The following PCDHA2 variants were observed in gnomAD, a reference collection of about 807,000 sequenced individuals.
The protein encoded by PCDHA2 is protocadherin alpha 2.
PCDHA2 carries 58 observed loss-of-function variants against 66.0 expected under a neutral mutation model. That is an observed-to-expected ratio of 0.88 (90% CI 0.71 to 1.09). The LOEUF (loss-of-function observed/expected upper bound fraction) is 1.09. PCDHA2 is among the 50% of genes least tolerant of loss of function. The pLI, the probability that PCDHA2 is intolerant of heterozygous loss-of-function variation, is 0.00. For missense variants in PCDHA2, 1,267 were observed against 1,242.3 expected, an observed-to-expected ratio of 1.02 and a Z score of -0.30; for synonymous variants, 634 against 554.0, an observed-to-expected ratio of 1.14 and a Z score of -2.03.
chr5:140,857,995 G>A, intron 1 of PCDHA2: 1 of 1,597,106 alleles, frequency 6.3e-7, no homozygotes, highest in East Asian at 2.2e-5. Context: ...TACTGGTGCT[G>A]GTGAAGGACC....
At position 140,985,761 on chromosome 5, in the gene PCDHA2, A is replaced by C. The variant is rs1239020885; in HGVS notation, c.2536+3198A>C. On this transcript the variant is annotated intron_variant, in intron 3 of 3. Transcript: ENST00000526136. ...TTCCTTTTTTTTTTTTTTTTTTTTGAGACAGTCTCGCTCTGTCGCCCAGGC... is the reference window on the plus strand; with the variant it reads ...TTCCTTTTTTTTTTTTTTTTTTTTGCGACAGTCTCGCTCTGTCGCCCAGGC... 7.9e-5 allele frequency among the ~76,000 whole-genome samples: 5 copies of C among 63,266 alleles called. No individual in the cohort carries two copies. In the East Asian group the frequency reaches 3.3e-3, roughly 41 times the overall value. 41.5% of individuals were successfully genotyped at this position (63,266 alleles called of 152,430 possible). A position where few individuals can be genotyped will look rare whatever the true frequency, so the allele number is the denominator to read the frequency against.
chr5:140,987,106 C>T (rs113308102), intron 3 of PCDHA2, among the ~76,000 whole-genome samples: 4,830 of 151,440 alleles, frequency 0.032, 263 homozygotes, highest in African/African-American at 0.11. Context: ...CCCAGCTACT[C>T]GGGAGGCTGA....
intron 1 of PCDHA2, chr5:140,836,037 C>T: frequency 6.2e-7 from 1 of 1,613,440 alleles, no homozygotes; most frequent in Non-Finnish European, 8.5e-7. Flanking sequence ...CGTGACGCTG[C>T]AGGTGTTCGT....
At chr5:140,911,189 A>T (rs1369810973) in intron 1 of PCDHA2, among the ~76,000 whole-genome samples, 1 of 152,126 alleles carries the variant, frequency 6.6e-6, no homozygotes, top group African/African-American at 2.4e-5. Flanking sequence ...TGGGTTGGGG[A>T]GGACATGTTG....
intron 1 of PCDHA2, among the ~76,000 whole-genome samples, chr5:140,839,392 GA>G (rs2150297449): frequency 1.4e-5 from 2 of 147,944 alleles, no homozygotes; most frequent in African/African-American, 4.9e-5. Context: ...TGATGATGAT[GA>G]TGATTATTAT....
chr5:140,868,900 G>A (rs2050728202), intron 1 of PCDHA2: 1 of 811,546 alleles, frequency 1.2e-6, no homozygotes, highest in Non-Finnish European at 1.9e-6. Flanking sequence ...GCAAGGTGTC[G>A]CTCTTTACTT....
At chr5:140,849,745 G>T (rs2150447816) in intron 1 of PCDHA2, 1 of 1,598,462 alleles carries the variant, frequency 6.3e-7, no homozygotes, top group Admixed American at 1.7e-5. Context: ...GACCGCGAGA[G>T]TGTGTCCGCC....
intron 1 of PCDHA2, among the ~76,000 whole-genome samples, chr5:140,833,934 C>T (rs2150212235): frequency 1.3e-5 from 2 of 152,148 alleles, no homozygotes; most frequent in Admixed American, 1.3e-4. Context: ...CATGTTGTCA[C>T]TTAGGTTTCT....
intron 1 of PCDHA2, chr5:140,836,833 A>G (rs2150270629): frequency 1.5e-5 from 13 of 887,974 alleles, no homozygotes; most frequent in Non-Finnish European, 2.2e-5. Flanking sequence ...TTTAGTTGAT[A>G]GCTTTATGTA....
chr5:140,946,959 A>C (rs918204180), intron 1 of PCDHA2, among the ~76,000 whole-genome samples: 2 of 151,664 alleles, frequency 1.3e-5, no homozygotes, highest in Non-Finnish European at 3.0e-5. Context: ...GTATATTTCA[A>C]AATATTATAG....
At chr5:140,836,159 GA>G in intron 1 of PCDHA2, 1 of 1,613,838 alleles carries the variant, frequency 6.2e-7, no homozygotes, top group Non-Finnish European at 8.5e-7. Context: ...ATGTGGTGGC[GA>G]AGGTACGTGC....
chr5:140,798,578 T>G (rs1283080104), intron 1 of PCDHA2, among the ~76,000 whole-genome samples: 1 of 152,188 alleles, frequency 6.6e-6, no homozygotes, highest in East Asian at 1.9e-4. Context: ...CTGCAGAGAT[T>G]GACTACTTTT....
chr5:140,821,865 C>A, intron 1 of PCDHA2: 1 of 1,614,214 alleles, frequency 6.2e-7, no homozygotes, highest in Non-Finnish European at 8.5e-7. Flanking sequence ...GCGGCCAGCT[C>A]CACTACTCGA....
chr5:140,905,776 GT>G (rs1255347430), intron 1 of PCDHA2, among the ~76,000 whole-genome samples: 1 of 152,068 alleles, frequency 6.6e-6, no homozygotes, highest in African/African-American at 2.4e-5. Flanking sequence ...ATTCCGAAGT[GT>G]ATTAGTCAGG....
chr5:140,874,295 C>G (rs1395734627), intron 1 of PCDHA2, among the ~76,000 whole-genome samples: 2 of 152,110 alleles, frequency 1.3e-5, no homozygotes, highest in Non-Finnish European at 2.9e-5. Context: ...TCTATGTGTA[C>G]TTGTTCACAA....
intron 1 of PCDHA2, chr5:140,850,397 G>A: frequency 1.3e-6 from 2 of 1,597,954 alleles, no homozygotes; most frequent in Non-Finnish European, 1.7e-6. Context: ...TCAGCACAAC[G>A]CGTGCCCTGG....
At chr5:140,858,464 T>C in intron 1 of PCDHA2, 6 of 1,523,496 alleles carry the variant, frequency 3.9e-6, no homozygotes, top group South Asian at 1.2e-5. Context: ...CATTTTCCTT[T>C]TGTGCTTTAT....
chr5:140,920,374 G>T (rs1427300257), intron 1 of PCDHA2, among the ~76,000 whole-genome samples: 1 of 151,964 alleles, frequency 6.6e-6, no homozygotes, highest in East Asian at 1.9e-4. Flanking sequence ...TATTCTTGTG[G>T]ATTCATATTA....
chr5:140,808,370 T>C (rs1156251617), intron 1 of PCDHA2: 3 of 1,614,086 alleles, frequency 1.9e-6, no homozygotes, highest in Non-Finnish European at 2.5e-6. Context: ...CCACGTCCCC[T>C]TCAAGCTGGT....
Sources: gnomAD v4.1 joint callset for allele counts (sites outside exome capture counted in the v4.1 genomes callset) on GRCh38, gnomAD v4.1.1 for gene constraint, MANE v1.5 for transcripts, NCBI Gene and HGNC (gene_info 2026-07-23, HGNC 2026-07-21) for gene names.